SCN2A: variants seen among roughly 807,000 people sequenced by gnomAD.
The protein encoded by SCN2A is sodium voltage-gated channel alpha subunit 2.
A neutral mutation model predicts 188.7 loss-of-function variants in SCN2A; 20 were observed. That is an observed-to-expected ratio of 0.11 (90% confidence interval 0.07 to 0.15). The LOEUF (loss-of-function observed/expected upper bound fraction) is 0.15. Ranked by LOEUF, SCN2A falls within the 10% of genes least tolerant of loss-of-function variation. The pLI is 1.00. For synonymous variants in SCN2A, 804 were observed against 833.1 expected (o/e 0.97, Z 0.60); for missense variants, 1,278 against 2,445.0 (o/e 0.52, Z 10.07).
chr2:165,381,181 C>A lies in SCN2A; in HGVS notation c.4535C>A (p.Pro1512His), dbSNP rs2105385911. Reference protein sequence around the residue: ...KKLGSKKPQKPIPRPANKFQG... With the variant: ...KKLGSKKPQKHIPRPANKFQG... ...CTGGGTTCAAAGAAACCACAAAAACCCATACCTCGACCTGCTGTAAGAATA... is the reference window on the plus strand; with the variant it reads ...CTGGGTTCAAAGAAACCACAAAAACACATACCTCGACCTGCTGTAAGAATA... Residue 1512 changes from proline to histidine, a missense_variant, in exon 25 of 27, where the codon CCC (proline) becomes CAC (histidine). By Grantham distance (77) the Pro-to-His change is moderately conservative. This residue lies in a region of SCN2A where 97 missense variants were observed against 266.1 expected (regional missense o/e 0.36). Transcript: ENST00000375437. 1 of 1,581,092 alleles carries A rather than the reference C, an allele frequency of 6.3e-7. No individual in the cohort carries two copies. The highest frequency in any genetic ancestry group is 8.6e-7 in the Non-Finnish European group (1 of 1,160,732).
intron 25 of SCN2A, among the ~76,000 whole-genome samples, chr2:165,385,078 T>A (rs1045454322): frequency 6.6e-6 from 1 of 152,088 alleles, no homozygotes; most frequent in African/African-American, 2.4e-5. Context: ...GCAGGCCAAA[T>A]ACGCATTCAG....
chr2:165,291,567 TCC>T lies in SCN2A; in HGVS notation c.-51-4205_-51-4204del, dbSNP rs1559340693. 5.0e-5 allele frequency among the ~76,000 whole-genome samples: 4 copies of T among 80,122 alleles called. 1 individual carries two copies. The highest frequency in any genetic ancestry group is 1.1e-4 in the African/African-American group (3 of 26,784). The allele number at this position is 80,122 out of a possible 152,430, so 52.6% of individuals were successfully genotyped here. On this transcript the variant is annotated intron_variant, in intron 1 of 26. Coordinates refer to ENST00000375437, the MANE Select transcript of SCN2A (RefSeq NM_001040142.2). ...TTCCTTCCTTCCTTCCTTCCTTCCT[TCC>T]TTCCTTTCTCTCTCTCTCTCTCTCT...
At position 165,360,911 on chromosome 2, in the gene SCN2A, C is replaced by A. The variant is rs192146579; in HGVS notation, c.3400-4232C>A. Among the ~76,000 whole-genome samples, 24 of 152,018 alleles carry A rather than the reference C, an allele frequency of 1.6e-4. 1 individual carries two copies. The highest frequency in any genetic ancestry group is 1.5e-3 in the Admixed American group (23 of 15,242). ...TACAGGCACTCTTTATCTGAAAATT[C>A]TTAAGTGCATGAGTTGTAACAGTTT... On this transcript the variant is annotated intron_variant, in intron 17 of 26. Transcript: ENST00000375437.
chr2:165,351,292 TA>T (rs910309530), intron 16 of SCN2A, among the ~76,000 whole-genome samples: 116 of 152,038 alleles, frequency 7.6e-4, no homozygotes, highest in African/African-American at 2.3e-3. Flanking sequence ...TTGGCTGCTT[TA>T]AAAAAAATAA....
rs780130675 is a variant in SCN2A, at chr2:165,310,562, A to G, written c.937A>G (p.Ile313Val). ...TACTACTTTCAATAGGACAGTGAGC[A>G]TATTTAACTGGGATGAATATATTGA... The part of the protein sequence containing the change: ...NGTTFNRTVS[I>V]FNWDEYIEDK... Residue 313 changes from isoleucine to valine, a missense_variant, in exon 7 of 27, where the codon ATA becomes GTA. By Grantham distance (29) the Ile-to-Val change is conservative (BLOSUM62 3). This residue lies in a region of SCN2A where 45 missense variants were observed against 58.1 expected (regional missense o/e 0.77). Coordinates refer to ENST00000375437, the MANE Select transcript of SCN2A (RefSeq NM_001040142.2). 7 of 1,612,380 alleles carry G rather than the reference A, an allele frequency of 4.3e-6. No individual in the cohort carries two copies. The highest frequency in any genetic ancestry group is 1.1e-5 in the South Asian group (1 of 91,042).
intron 22 of SCN2A, among the ~76,000 whole-genome samples, chr2:165,375,948 G>A (rs2105375246): frequency 6.6e-6 from 1 of 151,850 alleles, no homozygotes; most frequent in Non-Finnish European, 1.5e-5. Context: ...AATAAGCCAG[G>A]CACAGAAAGA....
intron 23 of SCN2A, among the ~76,000 whole-genome samples, 175 bp from the exon 24 acceptor site, chr2:165,380,417 T>C (rs527756295): frequency 6.6e-6 from 1 of 151,956 alleles, no homozygotes; most frequent in East Asian, 1.9e-4. Flanking sequence ...TAATGAATAG[T>C]CTTGCAGAAC....
intron 16 of SCN2A, among the ~76,000 whole-genome samples, chr2:165,353,955 G>T (rs1308267591): frequency 6.6e-6 from 1 of 152,096 alleles, no homozygotes; most frequent in Non-Finnish European, 1.5e-5. Context: ...GTTTCATTTA[G>T]CAATGATTTC....
At chr2:165,265,797 T>G (rs914912791) in intron 1 of SCN2A, among the ~76,000 whole-genome samples, 2 of 151,408 alleles carry the variant, frequency 1.3e-5, no homozygotes, top group Middle Eastern at 3.4e-3. Context: ...TATTATACTT[T>G]TTTTCCTTCT....
chr2:165,293,612 C>T (rs546563758), intron 1 of SCN2A, among the ~76,000 whole-genome samples: 1 of 152,248 alleles, frequency 6.6e-6, no homozygotes, highest in South Asian at 2.1e-4. Context: ...TGTGATCTGT[C>T]ATTGACCAAA....
intron 1 of SCN2A, among the ~76,000 whole-genome samples, chr2:165,274,938 T>A (rs1695270501): frequency 6.6e-6 from 1 of 152,150 alleles, no homozygotes; most frequent in African/African-American, 2.4e-5. Context: ...TCTGGTATGA[T>A]TGTTGCTTCT....
At chr2:165,384,935 C>T (rs1370259203) in intron 25 of SCN2A, among the ~76,000 whole-genome samples, 2 of 152,114 alleles carry the variant, frequency 1.3e-5, no homozygotes, top group East Asian at 3.9e-4. Context: ...GGGAAGATGC[C>T]AGACTTGGAA....
At chr2:165,311,962 C>G in intron 7 of SCN2A, 63 bp from the exon 8 acceptor site, 1 of 1,141,612 alleles carries the variant, frequency 8.8e-7, no homozygotes, top group Non-Finnish European at 1.3e-6. Flanking sequence ...GCCACCTAAA[C>G]AGGGTGGCTG....
chr2:165,357,615 G>A (rs1209880127), intron 17 of SCN2A, among the ~76,000 whole-genome samples: 2 of 151,932 alleles, frequency 1.3e-5, no homozygotes, highest in Non-Finnish European at 2.9e-5. Flanking sequence ...ATGTTATTTC[G>A]ATTATATTAA....
At chr2:165,328,578 G>A (rs886579603) in intron 13 of SCN2A, 2 of 876,680 alleles carry the variant, frequency 2.3e-6, no homozygotes, top group African/African-American at 1.8e-5. Context: ...ACTTCTGATA[G>A]CATTAAGTTT....
At chr2:165,378,649 G>A (rs1230870644) in intron 23 of SCN2A, among the ~76,000 whole-genome samples, 1 of 151,694 alleles carries the variant, frequency 6.6e-6, no homozygotes, top group East Asian at 1.9e-4. Flanking sequence ...ACTTTCCACA[G>A]TGGTTCTTAC....
At chr2:165,274,729 T>A (rs1290829808) in intron 1 of SCN2A, among the ~76,000 whole-genome samples, 4 of 152,220 alleles carry the variant, frequency 2.6e-5, no homozygotes, top group Admixed American at 6.5e-5. Context: ...TGTCCACTTC[T>A]CTGACGTCTA....
intron 14 of SCN2A, among the ~76,000 whole-genome samples, chr2:165,340,409 T>C (rs1699247513): frequency 6.6e-6 from 1 of 152,218 alleles, no homozygotes; most frequent in Non-Finnish European, 1.5e-5. Flanking sequence ...GTCTCTGAGG[T>C]AACCACCTAG....
chr2:165,311,568 G>A (rs531832126), intron 7 of SCN2A, among the ~76,000 whole-genome samples: 16 of 152,026 alleles, frequency 1.1e-4, no homozygotes, highest in African/African-American at 1.9e-4. Context: ...AGGAAATTAA[G>A]TTAAAATTGG....
Sources: gnomAD v4.1 joint callset for allele counts (sites outside exome capture counted in the v4.1 genomes callset) on GRCh38, gnomAD v4.1.1 for gene constraint, gnomAD v4.1.1 regional missense constraint, MANE v1.5 for transcripts, NCBI Gene and HGNC (gene_info 2026-07-23, HGNC 2026-07-21) for gene names.